Variants in SAMD12 observed in about 807,000 individuals in gnomAD.
SAMD12 encodes the protein sterile alpha motif domain-containing protein 12.
SAMD12 carries 9 observed loss-of-function variants against 15.0 expected under a neutral mutation model. The observed-to-expected ratio is 0.60, with a 90% CI of 0.36 to 1.05. The LOEUF is 1.05. Ranked by LOEUF, SAMD12 falls within the 50% of genes least tolerant of loss-of-function variation. The pLI is 0.01. For missense variants in SAMD12, 230 were observed against 234.2 expected (o/e 0.98, Z 0.12); for synonymous variants, 86 against 90.1 (o/e 0.96, Z 0.25).
At chr8:118,159,339 T>C in the SAMD12 span, among the ~76,000 whole-genome samples, 1 of 152,184 alleles carries the variant, frequency 6.6e-6, no homozygotes, top group Non-Finnish European at 1.5e-5. Flanking sequence ...TGCCTGGACC[T>C]GCCTGCCCCA....
chr8:118,291,893 C>T (rs550214900), intron 4 of SAMD12, among the ~76,000 whole-genome samples: 22 of 151,320 alleles, frequency 1.5e-4, no homozygotes, highest in Non-Finnish European at 2.7e-4. Context: ...TGCCAACACC[C>T]TGTTAGGCAC....
At chr8:118,546,133 T>C (rs1277085422) in intron 2 of SAMD12, among the ~76,000 whole-genome samples, 2 of 151,976 alleles carry the variant, frequency 1.3e-5, no homozygotes, top group East Asian at 3.9e-4. Context: ...GAAACCCAGG[T>C]GTGATGAGAA....
chr8:118,453,683 T>G (rs1823153462), intron 2 of SAMD12, among the ~76,000 whole-genome samples: 1 of 151,998 alleles, frequency 6.6e-6, no homozygotes, highest in African/African-American at 2.4e-5. Context: ...CCCATGCAGC[T>G]AATGTTTTTA....
intron 4 of SAMD12, among the ~76,000 whole-genome samples, chr8:118,287,240 T>C (rs1037687710): frequency 2.0e-5 from 3 of 151,290 alleles, no homozygotes; most frequent in Non-Finnish European, 4.4e-5. Flanking sequence ...TTCTCCTGCC[T>C]CAGCCTTCCG....
intron 4 of SAMD12, among the ~76,000 whole-genome samples, chr8:118,261,840 T>C (rs539045495): frequency 2.0e-5 from 3 of 152,128 alleles, no homozygotes; most frequent in East Asian, 3.9e-4. Flanking sequence ...TGGAGTCTAG[T>C]TGCAGAGGTA....
chr8:118,449,809 A>AC (rs1157235126), intron 2 of SAMD12, among the ~76,000 whole-genome samples: 1 of 150,180 alleles, frequency 6.7e-6, no homozygotes, highest in Non-Finnish European at 1.5e-5. Context: ...AAAAAAAAAA[A>AC]AAAAAAAACA....
intron 2 of SAMD12, among the ~76,000 whole-genome samples, chr8:118,519,197 T>C (rs1825324981): frequency 6.6e-6 from 1 of 152,148 alleles, no homozygotes; most frequent in African/African-American, 2.4e-5. Context: ...TTCTGGAGCT[T>C]TGGGAGGTCT....
chr8:118,318,325 T>TATATATATAC (rs1816035986), intron 4 of SAMD12, among the ~76,000 whole-genome samples: 1 of 25,222 alleles, frequency 4.0e-5, no homozygotes, highest in Non-Finnish European at 1.5e-4. Context: ...TATATATATA[T>TATATATATAC]ATATATATAT....
chr8:118,478,492 T>C (rs993067787), intron 2 of SAMD12, among the ~76,000 whole-genome samples: 1 of 152,256 alleles, frequency 6.6e-6, no homozygotes, highest in Non-Finnish European at 1.5e-5. Flanking sequence ...AGGGAGTGTA[T>C]GTAGATTTTA....
chr8:118,163,256 G>A, the SAMD12 span, among the ~76,000 whole-genome samples: 1 of 152,046 alleles, frequency 6.6e-6, no homozygotes, highest in Non-Finnish European at 1.5e-5. Flanking sequence ...ACTTTTATAT[G>A]TTTTGTAGAG....
chr8:118,459,210 T>A (rs945283833), intron 2 of SAMD12, among the ~76,000 whole-genome samples: 5 of 151,918 alleles, frequency 3.3e-5, no homozygotes, highest in African/African-American at 1.2e-4. Context: ...GGATTACAGG[T>A]GCCTGCTACC....
intron 3 of SAMD12, among the ~76,000 whole-genome samples, chr8:118,383,920 C>T (rs181844474): frequency 6.6e-6 from 1 of 152,170 alleles, no homozygotes; most frequent in Non-Finnish European, 1.5e-5. Flanking sequence ...AGAAAGGTGA[C>T]ACACAAGTAA....
chr8:118,322,307 GC>G (rs1193703113), intron 4 of SAMD12, among the ~76,000 whole-genome samples: 6 of 152,200 alleles, frequency 3.9e-5, no homozygotes, highest in Non-Finnish European at 8.8e-5. Context: ...AGTGATGGGG[GC>G]TGTGTCTGTC....
chr8:118,346,337 T>C (rs996764742), intron 4 of SAMD12, among the ~76,000 whole-genome samples: 1 of 152,178 alleles, frequency 6.6e-6, no homozygotes, highest in Non-Finnish European at 1.5e-5. Context: ...GGCTTATCCT[T>C]CCCAACTGAA....
rs1046536626 is a variant in SAMD12, at chr8:118,452,439, G to A, written c.193-12478C>T. On this transcript the variant is annotated intron_variant, in intron 2 of 3. Coordinates refer to ENST00000314727, the MANE Select transcript of SAMD12 (RefSeq NM_207506.3). Reference sequence around the variant, plus strand: ...ACTTTATACATATTCTTATACATTTGTATTTACTCTTCAAATACTAGGTTT... The same window carrying A: ...ACTTTATACATATTCTTATACATTTATATTTACTCTTCAAATACTAGGTTT... 4.6e-5 allele frequency among the ~76,000 whole-genome samples: 7 copies of A among 152,158 alleles called. No individual in the cohort carries two copies. The South Asian group carries it at 1.5e-3, about 32-fold the overall frequency.
chr8:118,420,059 C>T (rs780553987), intron 3 of SAMD12, among the ~76,000 whole-genome samples: 11 of 152,214 alleles, frequency 7.2e-5, no homozygotes, highest in African/African-American at 1.4e-4. Flanking sequence ...GTGGCATCTA[C>T]AGAGGACAGT....
chr8:118,497,149 A>C (rs893789188), intron 2 of SAMD12, among the ~76,000 whole-genome samples: 16 of 152,216 alleles, frequency 1.1e-4, no homozygotes, highest in Non-Finnish European at 1.9e-4. Context: ...CCACTGTAGA[A>C]AGCAATCTGG....
At chr8:118,211,198 G>A (rs1167135712) in intron 4 of SAMD12, among the ~76,000 whole-genome samples, 1 of 152,130 alleles carries the variant, frequency 6.6e-6, no homozygotes, top group Admixed American at 6.6e-5. Flanking sequence ...ACGTGGGAAG[G>A]GATTGTGTTT....
intron 4 of SAMD12, among the ~76,000 whole-genome samples, chr8:118,363,102 T>C (rs577414152): frequency 4.9e-4 from 75 of 152,258 alleles, no homozygotes; most frequent in Non-Finnish European, 1.1e-3. Flanking sequence ...GCATCTTGAG[T>C]TTCTTGCAAA....
Sources: allele counts gnomAD v4.1 joint callset (sites outside exome capture counted in the v4.1 genomes callset), GRCh38; gene constraint gnomAD v4.1.1; transcripts MANE v1.5; gene names NCBI Gene and HGNC (gene_info 2026-07-23, HGNC 2026-07-21).